Variants in TP63 observed in about 807,000 individuals in gnomAD.
TP63 encodes tumor protein 63.
A neutral mutation model predicts 82.8 loss-of-function variants in TP63; 17 were observed. That is an observed-to-expected ratio of 0.21 (90% CI 0.14 to 0.31). TP63 has a LOEUF of 0.31. Among genes scored for constraint, TP63 ranks in the 10% least tolerant of loss-of-function variants. The pLI is 1.00. For synonymous variants in TP63, 330 were observed against 321.7 expected, an observed-to-expected ratio of 1.03 and a Z score of -0.28; for missense variants, 648 against 895.3, an observed-to-expected ratio of 0.72 and a Z score of 3.52.
chr3:189,750,028 G>A (rs1419220209), intron 3 of TP63, among the ~76,000 whole-genome samples: 1 of 151,860 alleles, frequency 6.6e-6, no homozygotes, highest in African/African-American at 2.4e-5. Context: ...GGAGGCTGAG[G>A]CAGGAGAATC....
chr3:189,616,096 G>C, the TP63 span, among the ~76,000 whole-genome samples: 1 of 152,096 alleles, frequency 6.6e-6, no homozygotes, highest in Non-Finnish European at 1.5e-5. Flanking sequence ...GAGTGTCATG[G>C]ATCAAGACAA....
chr3:189,896,440 G>GT lies in TP63; in HGVS notation c.*1947dup, dbSNP rs140654135. On this transcript the variant is annotated 3_prime_UTR_variant, in exon 14 of 14. Coordinates refer to ENST00000264731, the MANE Select transcript of TP63 (RefSeq NM_003722.5). ...ATTTTAAGAGGGGAGGGAAGGGAAA[G>GT]TTTTTTTTTATTATTTTTTTAAAAT... The GT allele has an allele frequency of 4.7e-4, 92 of 197,612 alleles. No individual in the cohort carries two copies. Among genetic ancestry groups the GT allele is most frequent in the Non-Finnish European group, 6.0e-4 (57 of 95,634 alleles). 12.2% of individuals were successfully genotyped at this position (197,612 alleles called of 1,614,324 possible). A position where few individuals can be genotyped will look rare whatever the true frequency, so the allele number is the denominator to read the frequency against.
In TP63 at chr3:189,844,191, A is replaced by G. The variant is rs538727344; in HGVS notation, c.580-20041A>G. On this transcript the variant is annotated intron_variant, in intron 4 of 13. Coordinates refer to ENST00000264731, the MANE Select transcript of TP63 (RefSeq NM_003722.5). ...CCTTTTTCTTTTTTTTTTTTCTTTGAGACAGAGTCTCGCCTTGTCTCCCAG... is the reference window on the plus strand; with the variant it reads ...CCTTTTTCTTTTTTTTTTTTCTTTGGGACAGAGTCTCGCCTTGTCTCCCAG... 1.4e-4 allele frequency: 52 copies of G among 363,610 alleles called. 1 individual carries two copies. The highest frequency in any genetic ancestry group is 1.1e-3 in the South Asian group (51 of 48,240). The allele number at this position is 363,610 out of a possible 1,614,324, so 22.5% of individuals were successfully genotyped here. A position where few individuals can be genotyped will look rare whatever the true frequency, so the allele number is the denominator to read the frequency against.
chr3:189,670,567 G>A (rs905758145), intron 1 of TP63, among the ~76,000 whole-genome samples: 2 of 151,922 alleles, frequency 1.3e-5, no homozygotes, highest in African/African-American at 4.8e-5. Flanking sequence ...AGTGAAAGAA[G>A]AAATCATAAA....
At chr3:189,723,793 A>G (rs1719564865) in intron 1 of TP63, among the ~76,000 whole-genome samples, 1 of 152,242 alleles carries the variant, frequency 6.6e-6, no homozygotes. Flanking sequence ...TGAGTTTTCT[A>G]TAATAGTTGA....
In TP63 at chr3:189,765,729, G is replaced by T. The variant is rs193285968; in HGVS notation, c.324+26955G>T. The stretch of plus-strand genomic sequence containing the variant: ...ATTTAAGGCGTGAGCCACCGCGCCC[G>T]GCCTGTCCTCTGCATTTTTAAAGGA... On this transcript the variant is annotated intron_variant, in intron 3 of 13. Coordinates refer to ENST00000264731, the MANE Select transcript of TP63 (RefSeq NM_003722.5). Among the ~76,000 whole-genome samples the T allele has an allele frequency of 5.9e-5, 9 of 151,630 alleles. No homozygotes were observed. The East Asian group carries it at 1.8e-3, about 30-fold the overall frequency.
At chr3:189,864,484 G>T in intron 5 of TP63, 66 bp downstream of exon 5, 7 of 1,369,270 alleles carry the variant, frequency 5.1e-6, no homozygotes, top group Non-Finnish European at 6.8e-6. Context: ...GGGCATTTTT[G>T]TTTGAGACCC....
intron 3 of TP63, among the ~76,000 whole-genome samples, chr3:189,746,428 A>G (rs192128197): frequency 3.3e-5 from 5 of 152,172 alleles, no homozygotes; most frequent in Admixed American, 6.5e-5. Flanking sequence ...CCTATACCCC[A>G]GAAGCAAAGG....
Position 189,887,621 on chromosome 3 carries a change from G to A in TP63, c.1507+1070G>A, listed in dbSNP as rs142108791. On this transcript the variant is annotated intron_variant, in intron 11 of 13. Transcript: ENST00000264731. Reference sequence around the variant, plus strand: ...AAACTTGAAGGAAAAAAAAGTCGTGGTAAAAATGCAAAAGATTGTATAACA... The same window carrying A: ...AAACTTGAAGGAAAAAAAAGTCGTGATAAAAATGCAAAAGATTGTATAACA... 3.7e-3 allele frequency among the ~76,000 whole-genome samples: 571 copies of A among 152,280 alleles called. 4 individuals carry two copies. The highest frequency in any genetic ancestry group is 6.3e-3 in the Non-Finnish European group (427 of 68,020).
chr3:189,857,473 A>T (rs1305533589), intron 4 of TP63, among the ~76,000 whole-genome samples: 1 of 152,176 alleles, frequency 6.6e-6, no homozygotes, highest in Non-Finnish European at 1.5e-5. Context: ...ATTTCTTAGG[A>T]TATAAAAAGC....
At chr3:189,880,865 G>C (rs1472299350) in intron 10 of TP63, 1 of 985,208 alleles carries the variant, frequency 1.0e-6, no homozygotes, top group African/African-American at 1.7e-5. Context: ...ACCTGCCTCT[G>C]CCACTGTATG....
intron 1 of TP63, among the ~76,000 whole-genome samples, chr3:189,678,690 A>G (rs971697281): frequency 1.3e-5 from 2 of 152,088 alleles, no homozygotes; most frequent in Non-Finnish European, 2.9e-5. Flanking sequence ...GGTCATATCA[A>G]TGATATTGAT....
the TP63 span, among the ~76,000 whole-genome samples, chr3:189,624,477 A>G: frequency 6.6e-6 from 1 of 152,082 alleles, no homozygotes; most frequent in Non-Finnish European, 1.5e-5. Flanking sequence ...AAAATCATAG[A>G]CTCTTGGGGT....
At chr3:189,618,257 A>G in the TP63 span, among the ~76,000 whole-genome samples, 2 of 152,174 alleles carry the variant, frequency 1.3e-5, no homozygotes, top group Non-Finnish European at 2.9e-5. Context: ...AAACCCAGCT[A>G]CCTCTTCAGT....
chr3:189,730,351 A>G (rs1241823335), intron 1 of TP63, among the ~76,000 whole-genome samples: 1 of 152,288 alleles, frequency 6.6e-6, no homozygotes, highest in Non-Finnish European at 1.5e-5. Flanking sequence ...TCTTATGCCA[A>G]TTTTCTGGTC....
At chr3:189,788,298 C>T (rs1460883062) in intron 3 of TP63, among the ~76,000 whole-genome samples, 1 of 151,860 alleles carries the variant, frequency 6.6e-6, no homozygotes, top group African/African-American at 2.4e-5. Context: ...AGCATTATTA[C>T]CAGTAACCTA....
chr3:189,885,157 G>T (rs1165523635), intron 10 of TP63, among the ~76,000 whole-genome samples: 8 of 152,216 alleles, frequency 5.3e-5, no homozygotes, highest in Admixed American at 3.9e-4. Flanking sequence ...TTTGAGAATT[G>T]TTAAAGGGGA....
chr3:189,833,078 C>T (rs1712604451), intron 4 of TP63, among the ~76,000 whole-genome samples: 1 of 152,198 alleles, frequency 6.6e-6, no homozygotes, highest in Admixed American at 6.5e-5. Flanking sequence ...TTGCTAAGGC[C>T]TTCTCTCTCC....
intron 4 of TP63, among the ~76,000 whole-genome samples, chr3:189,855,461 A>G (rs1166555151): frequency 1.3e-5 from 2 of 152,182 alleles, no homozygotes; most frequent in Non-Finnish European, 2.9e-5. Flanking sequence ...AAGCCAATTT[A>G]TATACTAAAC....
Sources: allele counts gnomAD v4.1 joint callset (sites outside exome capture counted in the v4.1 genomes callset), GRCh38; gene constraint gnomAD v4.1.1; transcripts MANE v1.5; gene names NCBI Gene and HGNC (gene_info 2026-07-23, HGNC 2026-07-21).